Variants in RNF43 observed in about 807,000 individuals in gnomAD.
RNF43 encodes the protein ring finger protein 43, also known as E3 ubiquitin-protein ligase RNF43.
A neutral mutation model predicts 78.4 loss-of-function variants in RNF43; 37 were observed. The observed-to-expected ratio is 0.47, with a 90% confidence interval of 0.36 to 0.62. RNF43 has a LOEUF of 0.62. Among genes scored for constraint, RNF43 ranks in the 20% least tolerant of loss-of-function variants. The probability of loss-of-function intolerance (pLI) is 0.00; values close to 1 mark genes in which losing one functional copy is unlikely to be tolerated. For synonymous variants in RNF43, 347 were observed against 395.0 expected, an observed-to-expected ratio of 0.88 and a Z score of 1.44; for missense variants, 774 against 1,007.9, an observed-to-expected ratio of 0.77 and a Z score of 3.14.
intron 2 of RNF43, among the ~76,000 whole-genome samples, chr17:58,376,396 A>G (rs940693055): frequency 6.6e-6 from 1 of 152,282 alleles, no homozygotes; most frequent in East Asian, 1.9e-4. Flanking sequence ...ATAAAGTAAC[A>G]TGATCTTTCT....
At chr17:58,364,998 C>A (rs1972919697) in intron 3 of RNF43, among the ~76,000 whole-genome samples, 1 of 152,218 alleles carries the variant, frequency 6.6e-6, no homozygotes, top group Admixed American at 6.5e-5. Flanking sequence ...CTGTTTTGGT[C>A]AGGAAGGTAA....
At chr17:58,384,044 C>T (rs1973380907) in intron 2 of RNF43, among the ~76,000 whole-genome samples, 1 of 152,242 alleles carries the variant, frequency 6.6e-6, no homozygotes, top group South Asian at 2.1e-4. Flanking sequence ...ATGTAGGCCA[C>T]CTCATGCCAA....
rs1972796491 is a variant in RNF43, at chr17:58,360,004, C to A, written c.952+145G>T. On this transcript the variant is annotated intron_variant, in intron 8 of 9. Transcript: ENST00000407977. The surrounding 1 kb of genome is among the most constrained non-coding windows in gnomAD (Gnocchi z 4.3). Reference sequence around the variant, plus strand: ...GAATGACGCTTCCCCTCGAGTGAGGCACTCTGGAGCAGTGTACAGCCCATA... The same window carrying A: ...GAATGACGCTTCCCCTCGAGTGAGGAACTCTGGAGCAGTGTACAGCCCATA... 1 of 468,826 alleles carries A rather than the reference C, an allele frequency of 2.1e-6. No homozygotes were observed. The highest frequency in any genetic ancestry group is 3.9e-6 in the Non-Finnish European group (1 of 258,562). 29.0% of individuals were successfully genotyped at this position (468,826 alleles called of 1,614,324 possible). A position where few individuals can be genotyped will look rare whatever the true frequency, so the allele number is the denominator to read the frequency against.
intron 2 of RNF43, among the ~76,000 whole-genome samples, chr17:58,371,510 C>T (rs1263681766): frequency 6.6e-6 from 1 of 152,226 alleles, no homozygotes; most frequent in African/African-American, 2.4e-5. Flanking sequence ...CTCCTGCCTC[C>T]TCGGGATGCC....
At chr17:58,385,407 C>A (rs1973410248) in intron 2 of RNF43, among the ~76,000 whole-genome samples, 1 of 152,206 alleles carries the variant, frequency 6.6e-6, no homozygotes, top group Non-Finnish European at 1.5e-5. Context: ...CTTAACTTAA[C>A]CTATTTCAGT....
At chr17:58,412,359 G>GA (rs938807138) in intron 2 of RNF43, among the ~76,000 whole-genome samples, 4 of 152,128 alleles carry the variant, frequency 2.6e-5, no homozygotes, top group Admixed American at 1.3e-4. Context: ...GAGGACTTGA[G>GA]AAATAGAAGG....
In RNF43 at chr17:58,363,567, C is replaced by T. The variant is rs2143473848; in HGVS notation, c.409G>A (p.Val137Ile). The change falls in exon 4 of 10, where the codon GTC (valine) becomes ATC (isoleucine). Residue 137 changes from valine (V) to isoleucine (I), a missense_variant. Coordinates refer to ENST00000407977, the MANE Select transcript of RNF43 (RefSeq NM_017763.6). ...CGATCCTCAGTGATGTCAAAGAGGA[C>T]AGCACTGGCTCCTCGCTCACCCGCC... ...RMAGERGASA[V>I]LFDITEDRAA... 2.5e-6 allele frequency: 4 copies of T among 1,612,852 alleles called. No individual in the cohort carries two copies. The Middle Eastern group carries it at 5.0e-4, about 200-fold the overall frequency.
intron 3 of RNF43, among the ~76,000 whole-genome samples, chr17:58,369,573 A>G (rs999385087): frequency 1.3e-5 from 2 of 152,228 alleles, no homozygotes; most frequent in Admixed American, 6.5e-5. Flanking sequence ...GCCACACACA[A>G]TCTGACTACA....
At chr17:58,371,276 G>A (rs1973091489) in intron 2 of RNF43, among the ~76,000 whole-genome samples, 6 of 152,168 alleles carry the variant, frequency 3.9e-5, no homozygotes, top group Admixed American at 3.9e-4. Flanking sequence ...TCCCAGAGGG[G>A]ACCTAAATGA....
chr17:58,414,732 A>G (rs1974090246), intron 2 of RNF43, among the ~76,000 whole-genome samples: 1 of 152,232 alleles, frequency 6.6e-6, no homozygotes, highest in South Asian at 2.1e-4. Context: ...ATGTGTGGAC[A>G]AGGCCAAAGT....
intron 3 of RNF43, among the ~76,000 whole-genome samples, chr17:58,369,873 A>G (rs1378669459): frequency 6.6e-6 from 1 of 152,118 alleles, no homozygotes; most frequent in Non-Finnish European, 1.5e-5. Flanking sequence ...AGTAACTGCT[A>G]TTGTTAGTTA....
chr17:58,389,402 G>A (rs957114539), intron 2 of RNF43, among the ~76,000 whole-genome samples: 1 of 152,190 alleles, frequency 6.6e-6, no homozygotes, highest in African/African-American at 2.4e-5. Context: ...TATACTAAAT[G>A]AGAGATGAAC....
chr17:58,396,190 G>A (rs927238230), intron 2 of RNF43, among the ~76,000 whole-genome samples: 2 of 152,172 alleles, frequency 1.3e-5, no homozygotes, highest in African/African-American at 4.8e-5. Context: ...GTGATATGGA[G>A]GATACAGAAA....
chr17:58,376,809 T>G (rs559944458), intron 2 of RNF43, among the ~76,000 whole-genome samples: 1 of 152,202 alleles, frequency 6.6e-6, no homozygotes, highest in South Asian at 2.1e-4. Flanking sequence ...GGAGGGCTCA[T>G]GGAAACTTGG....
rs772096609 is a variant in RNF43 at position 58,357,581 on chromosome 17, C to G, written c.2195G>C (p.Arg732Pro). 1.2e-6 allele frequency: 2 copies of G among 1,614,190 alleles called. No homozygotes were observed. Among genetic ancestry groups the G allele is most frequent in the Non-Finnish European group, 1.7e-6 (2 of 1,180,024 alleles). Residue 732 changes from arginine to proline, a missense_variant, in exon 9 of 10, where the codon CGC becomes CCC. Coordinates refer to ENST00000407977, the MANE Select transcript of RNF43 (RefSeq NM_017763.6). The surrounding 1 kb of genome is among the most constrained non-coding windows in gnomAD (Gnocchi z 4.5). ...SQPVWLCLTP[R>P]QPLEPHPPGE... ...AGGTGGATGTGGTTCCAGGGGCTGG[C>G]GAGGAGTCAGGCACAACCACACTGG... is the stretch of plus-strand genomic sequence containing the variant.
At chr17:58,400,727 CATATT>C (rs1973778829) in intron 2 of RNF43, among the ~76,000 whole-genome samples, 1 of 152,126 alleles carries the variant, frequency 6.6e-6, no homozygotes, top group African/African-American at 2.4e-5. Context: ...GCCTTATTAT[CATATT>C]ATATCATTAT....
At chr17:58,382,402 A>G (rs1209654321) in intron 2 of RNF43, among the ~76,000 whole-genome samples, 2 of 152,168 alleles carry the variant, frequency 1.3e-5, no homozygotes, top group East Asian at 3.8e-4. Context: ...TTTTATCAGG[A>G]TATGATTATT....
At chr17:58,364,525 C>T (rs1204470401) in intron 3 of RNF43, among the ~76,000 whole-genome samples, 3 of 152,062 alleles carry the variant, frequency 2.0e-5, no homozygotes, top group African/African-American at 4.8e-5. Context: ...TCGGGGGAGG[C>T]GGGAGGCACA....
intron 3 of RNF43, among the ~76,000 whole-genome samples, chr17:58,368,886 C>T (rs1477502446): frequency 1.3e-5 from 2 of 152,062 alleles, no homozygotes; most frequent in African/African-American, 4.8e-5. Flanking sequence ...TGAAATATTG[C>T]AGGTAGCTCA....
Sources: allele counts gnomAD v4.1 joint callset (sites outside exome capture counted in the v4.1 genomes callset), GRCh38; gene constraint gnomAD v4.1.1; non-coding constraint Gnocchi (gnomAD v3.1); transcripts MANE v1.5; gene names NCBI Gene and HGNC (gene_info 2026-07-23, HGNC 2026-07-21).